ZNF345: variants seen among roughly 807,000 people sequenced by gnomAD.
ZNF345 encodes the protein zinc finger protein HZF10.
For missense variants in ZNF345, 527 were observed against 589.9 expected, an observed-to-expected ratio of 0.89 and a Z score of 1.10; for synonymous variants, 166 against 187.9, an observed-to-expected ratio of 0.88 and a Z score of 0.95.
chr19:36,882,051 GT>G (rs557132155), downstream of ZNF345, among the ~76,000 whole-genome samples: 3 of 134,618 alleles, frequency 2.2e-5, no homozygotes, highest in African/African-American at 5.8e-5. Context: ...CATTTTACTT[GT>G]TTTTTTTTTA....
chr19:36,862,488 C>T (rs936921338), intron 2 of ZNF345, among the ~76,000 whole-genome samples: 17 of 151,314 alleles, frequency 1.1e-4, no homozygotes, highest in Admixed American at 6.6e-4. Context: ...CACAGGGAAA[C>T]CCCGTCTCTA....
intron 2 of ZNF345, among the ~76,000 whole-genome samples, chr19:36,875,383 G>C (rs1600714751): frequency 6.6e-6 from 1 of 152,288 alleles, no homozygotes; most frequent in East Asian, 1.9e-4. Flanking sequence ...GTGGATATAG[G>C]GGGACATTTC....
chr19:36,874,536 T>C (rs2072843374), intron 2 of ZNF345, among the ~76,000 whole-genome samples: 1 of 149,198 alleles, frequency 6.7e-6, no homozygotes, highest in Admixed American at 6.7e-5. Flanking sequence ...TGGTGACTCA[T>C]GCCTGTAATC....
chr19:36,860,026 C>T (rs890448529), intron 2 of ZNF345, among the ~76,000 whole-genome samples: 9 of 152,012 alleles, frequency 5.9e-5, no homozygotes, highest in African/African-American at 2.2e-4. Context: ...GGCGTGATCT[C>T]GGCTCACTGC....
At chr19:36,881,836 CG>C (rs2072970152), downstream of ZNF345, among the ~76,000 whole-genome samples, 1 of 151,920 alleles carries the variant, frequency 6.6e-6, no homozygotes, top group African/African-American at 2.4e-5. Flanking sequence ...CATTAAAATG[CG>C]GGGTAAAAAG....
intron 3 of ZNF345, chr19:36,891,939 A>G: frequency 6.2e-7 from 1 of 1,614,036 alleles, no homozygotes; most frequent in South Asian, 1.1e-5. Context: ...TCAGATGTAG[A>G]AAAAGTTGTG....
intron 2 of ZNF345, among the ~76,000 whole-genome samples, chr19:36,857,215 T>A (rs901232025): frequency 6.6e-6 from 1 of 152,096 alleles, no homozygotes; most frequent in Non-Finnish European, 1.5e-5. Context: ...ACCATCTACT[T>A]TGGCCAAATG....
chr19:36,869,573 G>A (rs1212921338), intron 2 of ZNF345, among the ~76,000 whole-genome samples: 1 of 152,100 alleles, frequency 6.6e-6, no homozygotes, highest in Non-Finnish European at 1.5e-5. Flanking sequence ...GAAGCTACTC[G>A]GGTCCACCAT....
At chr19:36,870,777 G>A (rs1015820555) in intron 2 of ZNF345, among the ~76,000 whole-genome samples, 10 of 152,060 alleles carry the variant, frequency 6.6e-5, no homozygotes, top group African/African-American at 2.2e-4. Flanking sequence ...CAGTGTCCTA[G>A]AACCTAATAA....
intron 2 of ZNF345, among the ~76,000 whole-genome samples, chr19:36,855,600 G>C (rs1275792611): frequency 6.6e-6 from 1 of 151,738 alleles, no homozygotes; most frequent in Non-Finnish European, 1.5e-5. Flanking sequence ...TTACAGGCAT[G>C]TGCCACCACG....
At chr19:36,863,755 TTTAAG>T (rs1407434016) in intron 2 of ZNF345, among the ~76,000 whole-genome samples, 4 of 152,234 alleles carry the variant, frequency 2.6e-5, no homozygotes, top group African/African-American at 7.2e-5. Context: ...TCTTTATGCA[TTTAAG>T]TTAACATAAG....
At position 36,877,483 on chromosome 19, in the gene ZNF345, C is replaced by T. The variant is rs2072909227; in HGVS notation, c.653C>T (p.Thr218Ile). ...GKAFGSGSNL[T>I]QHRRIHTGEK... is the part of the protein sequence containing the mutation. ...GCCTTTGGCAGTGGTTCAAACCTTA[C>T]TCAACATCGGCGGATTCATACTGGT... The change falls in exon 3 of 3, where the codon ACT becomes ATT. Residue 218 changes from threonine to isoleucine, a missense_variant. By Grantham distance (89) the Thr-to-Ile change is moderately conservative (BLOSUM62 -1). Coordinates refer to ENST00000420450, the MANE Select transcript of ZNF345 (RefSeq NM_001242472.2). The T allele has an allele frequency of 6.2e-7, 1 of 1,613,756 alleles. No individual in the cohort carries two copies. The highest frequency in any genetic ancestry group is 1.3e-5 in the African/African-American group (1 of 74,900).
intron 2 of ZNF345, 44 bp from the exon 3 acceptor site, chr19:36,876,741 C>T (rs1362990229): frequency 1.5e-6 from 2 of 1,328,844 alleles, no homozygotes; most frequent in Non-Finnish European, 2.1e-6. Flanking sequence ...TAATCTCTCC[C>T]AGAACACAAA....
upstream of ZNF345, chr19:36,850,724 C>G (rs1188353455): frequency 6.6e-6 from 1 of 152,242 alleles, no homozygotes; most frequent in African/African-American, 2.4e-5. Flanking sequence ...TTTGTTGGTG[C>G]CAGAGTCCGC....
intron 2 of ZNF345, among the ~76,000 whole-genome samples, chr19:36,858,535 G>T (rs182083183): frequency 1.3e-5 from 2 of 152,262 alleles, no homozygotes; most frequent in Admixed American, 1.3e-4. Context: ...GGAGGAAGGC[G>T]GGCGGCGGAT....
At chr19:36,889,529 G>A (rs2073030686) in intron 3 of ZNF345, 1 of 152,072 alleles carries the variant, frequency 6.6e-6, no homozygotes, top group East Asian at 1.9e-4. Context: ...GGAAGGTTAT[G>A]TGTTTCTAGG....
chr19:36,862,229 T>C lies in ZNF345; in HGVS notation c.-47+10325T>C, dbSNP rs563144792. On this transcript the variant is annotated intron_variant, in intron 2 of 2. Transcript: ENST00000420450. Reference sequence around the variant, plus strand: ...TGTGTTCTAATTTACTTGGATTTGGTTTTTTCCCCCATTAAAGTTGCTTTT... The same window carrying C: ...TGTGTTCTAATTTACTTGGATTTGGCTTTTTCCCCCATTAAAGTTGCTTTT... Among the ~76,000 whole-genome samples the C allele has an allele frequency of 2.0e-5, 3 of 152,234 alleles. No homozygotes were observed. The East Asian group carries it at 5.8e-4, about 29-fold the overall frequency.
At chr19:36,857,955 T>C (rs936790866) in intron 2 of ZNF345, among the ~76,000 whole-genome samples, 4 of 151,930 alleles carry the variant, frequency 2.6e-5, no homozygotes, top group Admixed American at 2.6e-4. Flanking sequence ...TTTTTTTGTA[T>C]ATTTAGTGGA....
intron 2 of ZNF345, among the ~76,000 whole-genome samples, chr19:36,857,569 A>G (rs146641906): frequency 0.011 from 1,638 of 152,238 alleles, 17 homozygotes; most frequent in East Asian, 0.055. Flanking sequence ...TCAGCCTCCC[A>G]AAGTGCTGGG....
Sources: allele counts gnomAD v4.1 joint callset (sites outside exome capture counted in the v4.1 genomes callset), GRCh38; gene constraint gnomAD v4.1.1; transcripts MANE v1.5; gene names NCBI Gene and HGNC (gene_info 2026-07-23, HGNC 2026-07-21).